MYO10: variants seen among roughly 807,000 people sequenced by gnomAD.
MYO10 encodes unconventional myosin-X.
MYO10 carries 133 observed loss-of-function variants against 257.3 expected under a neutral mutation model. That is an observed-to-expected ratio of 0.52 (90% CI 0.45 to 0.60). MYO10 has a LOEUF of 0.60. MYO10 is among the 20% of genes least tolerant of loss of function. The pLI is 0.00. For synonymous variants in MYO10, 1,104 were observed against 1,028.6 expected, an observed-to-expected ratio of 1.07 and a Z score of -1.40; for missense variants, 2,399 against 2,635.7, an observed-to-expected ratio of 0.91 and a Z score of 1.97.
chr5:16,882,829 A>G (rs1000408950), intron 1 of MYO10, among the ~76,000 whole-genome samples: 2 of 151,956 alleles, frequency 1.3e-5, no homozygotes, highest in African/African-American at 2.4e-5. Flanking sequence ...AATTATATAC[A>G]TGTGCTGAAA....
chr5:16,774,966 T>C (rs1741172829), intron 9 of MYO10, among the ~76,000 whole-genome samples: 1 of 145,778 alleles, frequency 6.9e-6, no homozygotes, highest in South Asian at 2.2e-4. Context: ...GTCCATATGG[T>C]CAGGAAACCC....
intron 9 of MYO10, among the ~76,000 whole-genome samples, chr5:16,776,101 T>C (rs1028606383): frequency 1.3e-5 from 2 of 151,860 alleles, no homozygotes; most frequent in African/African-American, 2.4e-5. Context: ...TTTGCCATGT[T>C]GCCCAGGCTG....
intron 11 of MYO10, among the ~76,000 whole-genome samples, chr5:16,765,847 C>G (rs71609324): frequency 6.6e-6 from 1 of 152,148 alleles, no homozygotes; most frequent in African/African-American, 2.4e-5. Flanking sequence ...TCGACCCATC[C>G]TCTTAAACAA....
At chr5:16,729,214 T>C (rs919423206) in intron 19 of MYO10, among the ~76,000 whole-genome samples, 2 of 152,230 alleles carry the variant, frequency 1.3e-5, no homozygotes, top group Non-Finnish European at 2.9e-5. Flanking sequence ...TCTGTAATTT[T>C]GCATGACGTA....
At chr5:16,666,890 T>C in intron 40 of MYO10, 97 bp from the exon 41 acceptor site, 1 of 978,416 alleles carries the variant, frequency 1.0e-6, no homozygotes, top group Non-Finnish European at 1.5e-6. Flanking sequence ...CACCCTCCCG[T>C]AGCCTTCCAT....
chr5:16,790,249 T>C (rs1040617054), intron 4 of MYO10, among the ~76,000 whole-genome samples: 1 of 152,140 alleles, frequency 6.6e-6, no homozygotes, highest in African/African-American at 2.4e-5. Flanking sequence ...AGTCATTCTG[T>C]ATATTCATCC....
intron 9 of MYO10, among the ~76,000 whole-genome samples, chr5:16,772,068 A>T (rs1461068799): frequency 6.6e-6 from 1 of 152,200 alleles, no homozygotes; most frequent in Non-Finnish European, 1.5e-5. Context: ...ACTTTCACAG[A>T]AAAAATAATT....
intron 2 of MYO10, among the ~76,000 whole-genome samples, chr5:16,842,389 A>C (rs1197590566): frequency 1.3e-5 from 2 of 152,146 alleles, no homozygotes; most frequent in Non-Finnish European, 2.9e-5. Context: ...CCTTTAGAAG[A>C]TGCTGCAATC....
chr5:16,904,705 A>G (rs1396593722), intron 1 of MYO10, among the ~76,000 whole-genome samples: 1 of 152,098 alleles, frequency 6.6e-6, no homozygotes, highest in Non-Finnish European at 1.5e-5. Flanking sequence ...CGAGGCGGGC[A>G]GATCAAGAAG....
Position 16,674,999 on chromosome 5 carries a change from C to T in MYO10, c.4818G>A (p.Leu1606=), listed in dbSNP as rs116808942. 1,277 of 1,613,982 alleles carry T rather than the reference C, an allele frequency of 7.9e-4. 9 individuals carry two copies. The African/African-American group carries it at 0.015, about 20-fold the overall frequency. The change falls in exon 35 of 41, where the codon CTG becomes CTA. Residue 1606 remains leucine (L), a synonymous_variant. Transcript: ENST00000513610. ...TGGTCTGTTTGATAAGCTGGCAGTA[C>T]AGCTCGTCCCGCAGAGGTCGCAGGT... ...GHDLRPLRDE[L]YCQLIKQTNK... is the part of the protein sequence containing the mutation.
At chr5:16,927,714 A>T (rs1229950429) in intron 1 of MYO10, among the ~76,000 whole-genome samples, 1 of 152,212 alleles carries the variant, frequency 6.6e-6, no homozygotes, top group East Asian at 1.9e-4. Flanking sequence ...AGGTAGAGCT[A>T]TTAGTTGGAC....
chr5:16,761,958 A>G (rs1445720575), intron 16 of MYO10, 87 bp downstream of exon 16: 4 of 1,358,708 alleles, frequency 2.9e-6, no homozygotes, highest in Non-Finnish European at 2.9e-6. Flanking sequence ...TGCCCAGCCC[A>G]ATAAATTCAT....
chr5:16,857,159 T>G (rs2126741857), intron 2 of MYO10, among the ~76,000 whole-genome samples: 1 of 152,316 alleles, frequency 6.6e-6, no homozygotes, highest in South Asian at 2.1e-4. Flanking sequence ...ACACACAGGC[T>G]TGTCCTCATT....
intron 17 of MYO10, 108 bp downstream of exon 17, chr5:16,761,356 A>C: frequency 1.2e-6 from 1 of 858,458 alleles, no homozygotes; most frequent in Non-Finnish European, 1.9e-6. Flanking sequence ...GAAAAACAAT[A>C]CTAAGTTTCT....
chr5:16,890,098 TTC>T (rs1402564474), intron 1 of MYO10, among the ~76,000 whole-genome samples: 1 of 151,886 alleles, frequency 6.6e-6, no homozygotes, highest in African/African-American at 2.4e-5. Flanking sequence ...CATTTGTCAT[TTC>T]TGTTTCATAC....
At chr5:16,697,381 AG>A (rs1737799564) in intron 26 of MYO10, among the ~76,000 whole-genome samples, 1 of 152,226 alleles carries the variant, frequency 6.6e-6, no homozygotes, top group Non-Finnish European at 1.5e-5. Context: ...AGAGAAGCAC[AG>A]AAAGAAAGAA....
At chr5:16,683,775 G>C (rs547520418) in intron 30 of MYO10, 105 bp downstream of exon 30, 6 of 1,133,078 alleles carry the variant, frequency 5.3e-6, no homozygotes, top group Non-Finnish European at 7.8e-6. Context: ...ACAGCCTTGC[G>C]TGATTTCACA....
chr5:16,664,797 T>C lies in MYO10; in HGVS notation c.*1895A>G, dbSNP rs1200124489. ...TGTGTGACTTCATTTACCAGTCCCT[T>C]CTTTTGCTTTCTTGAAGTCACACTC... On this transcript the variant is annotated 3_prime_UTR_variant, in exon 41 of 41. Coordinates refer to ENST00000513610, the MANE Select transcript of MYO10 (RefSeq NM_012334.3). 2.0e-5 allele frequency: 3 copies of C among 152,152 alleles called. No homozygotes were observed. Among genetic ancestry groups the C allele is most frequent in the Non-Finnish European group, 4.4e-5 (3 of 68,040 alleles). The allele number at this position is 152,152 out of a possible 1,614,324, so 9.4% of individuals were successfully genotyped here.
intron 3 of MYO10, among the ~76,000 whole-genome samples, chr5:16,811,342 C>T (rs900875851): frequency 1.3e-5 from 2 of 152,194 alleles, no homozygotes; most frequent in Non-Finnish European, 2.9e-5. Flanking sequence ...GTCCCCACGG[C>T]AGAATCATCC....
Sources: allele counts gnomAD v4.1 joint callset (sites outside exome capture counted in the v4.1 genomes callset), GRCh38; gene constraint gnomAD v4.1.1; transcripts MANE v1.5; gene names NCBI Gene and HGNC (gene_info 2026-07-23, HGNC 2026-07-21).